The following TYW1 variants were observed in gnomAD, a reference collection of about 807,000 sequenced individuals.
TYW1 encodes S-adenosyl-L-methionine-dependent tRNA 4-demethylwyosine synthase TYW1.
Under a neutral mutation model 96.2 loss-of-function variants are expected in TYW1, and 46 were observed. The ratio of observed to expected loss-of-function variants is 0.48; its 90% CI spans 0.38 to 0.61. The LOEUF (loss-of-function observed/expected upper bound fraction) is 0.61, where lower values mean the gene tolerates loss of function less well. Among genes scored for constraint, TYW1 ranks in the 20% least tolerant of loss-of-function variants. The probability of loss-of-function intolerance (pLI) is 0.00; values close to 1 mark genes in which losing one functional copy is unlikely to be tolerated. For missense variants in TYW1, 684 were observed against 909.6 expected, an observed-to-expected ratio of 0.75 and a Z score of 3.19; for synonymous variants, 274 against 323.0, an observed-to-expected ratio of 0.85 and a Z score of 1.63.
chr7:67,118,345 T>A (rs1487245371), intron 13 of TYW1, among the ~76,000 whole-genome samples: 1 of 151,748 alleles, frequency 6.6e-6, no homozygotes, highest in Non-Finnish European at 1.5e-5. Flanking sequence ...AATAAATAAA[T>A]AATAAAAATA....
chr7:67,143,251 A>G (rs560456058), intron 13 of TYW1, among the ~76,000 whole-genome samples: 8 of 152,226 alleles, frequency 5.3e-5, no homozygotes, highest in South Asian at 4.1e-4. Flanking sequence ...TCTTTGCCTT[A>G]GAGGAATTGT....
chr7:67,156,352 C>T (rs1798970242), intron 13 of TYW1, among the ~76,000 whole-genome samples: 3 of 152,154 alleles, frequency 2.0e-5, no homozygotes, highest in Non-Finnish European at 1.5e-5. Context: ...TGGGTTGATC[C>T]CCAGGCTCCT....
intron 7 of TYW1, among the ~76,000 whole-genome samples, chr7:67,029,407 G>GTATATATATACATATATATATATA (rs1453768398): frequency 2.1e-5 from 2 of 96,228 alleles, no homozygotes; most frequent in Non-Finnish European, 4.2e-5. Flanking sequence ...GTGTGTGTGT[G>GTATATATATACATATATATATATA]TGTGTGTGTA....
chr7:67,096,282 C>T (rs559350976), intron 11 of TYW1, among the ~76,000 whole-genome samples: 53 of 152,102 alleles, frequency 3.5e-4, no homozygotes, highest in African/African-American at 1.2e-3. Flanking sequence ...CCCAGCTACT[C>T]GGGAGGCTGA....
intron 15 of TYW1, among the ~76,000 whole-genome samples, chr7:67,200,660 G>T (rs546941323): frequency 6.6e-6 from 1 of 152,246 alleles, no homozygotes; most frequent in African/African-American, 2.4e-5. Context: ...CTGCCTTCAA[G>T]AATGGGCTAA....
At chr7:67,162,976 C>T (rs1799206943) in intron 13 of TYW1, among the ~76,000 whole-genome samples, 1 of 152,146 alleles carries the variant, frequency 6.6e-6, no homozygotes, top group African/African-American at 2.4e-5. Context: ...AGAAACCTTA[C>T]CACTTATTTA....
chr7:67,172,553 T>G (rs1347156388), intron 13 of TYW1, among the ~76,000 whole-genome samples: 1 of 151,898 alleles, frequency 6.6e-6, no homozygotes, highest in Admixed American at 6.6e-5. Context: ...CCCGAGTAGC[T>G]GGGATTACAG....
chr7:67,062,932 AT>A (rs1281712592), intron 9 of TYW1, among the ~76,000 whole-genome samples: 3 of 152,212 alleles, frequency 2.0e-5, no homozygotes, highest in African/African-American at 7.2e-5. Flanking sequence ...GGTGGGGAAC[AT>A]TTCTGAACTC....
chr7:67,238,198 C>A, intron 15 of TYW1, 110 bp from the exon 16 acceptor site: 1 of 1,491,664 alleles, frequency 6.7e-7, no homozygotes, highest in Non-Finnish European at 9.0e-7. Context: ...TTTTTGTTTT[C>A]TTGACGTGAT....
At chr7:67,029,420 T>C (rs1220771159) in intron 7 of TYW1, among the ~76,000 whole-genome samples, 67 of 118,122 alleles carry the variant, frequency 5.7e-4, no homozygotes, top group African/African-American at 9.0e-4. Context: ...TGTGTGTATA[T>C]ATATATATAT....
At chr7:67,237,385 A>G (rs1473086192) in intron 15 of TYW1, among the ~76,000 whole-genome samples, 4 of 151,900 alleles carry the variant, frequency 2.6e-5, no homozygotes, top group Non-Finnish European at 4.4e-5. Flanking sequence ...CAGTAGTCCC[A>G]GCTACTCGGG....
chr7:67,192,311 C>T (rs550178762), intron 14 of TYW1, among the ~76,000 whole-genome samples: 2 of 152,364 alleles, frequency 1.3e-5, no homozygotes, highest in East Asian at 1.9e-4. Context: ...CAGGCATTCT[C>T]TCATTCCATT....
At chr7:67,180,632 C>CATTCATTTATTT (rs1554386393) in intron 13 of TYW1, among the ~76,000 whole-genome samples, 2 of 147,500 alleles carry the variant, frequency 1.4e-5, no homozygotes, top group Non-Finnish European at 3.0e-5. Flanking sequence ...AATAGAAATG[C>CATTCATTTATTT]ATTTATTTAT....
chr7:67,177,110 G>A (rs1204925579), intron 13 of TYW1, among the ~76,000 whole-genome samples: 1 of 152,224 alleles, frequency 6.6e-6, no homozygotes, highest in East Asian at 1.9e-4. Flanking sequence ...AAAACCAGAA[G>A]CAGATCCTCA....
chr7:67,226,824 C>T (rs528184143), intron 15 of TYW1, among the ~76,000 whole-genome samples: 165 of 152,188 alleles, frequency 1.1e-3, no homozygotes, highest in East Asian at 1.2e-3. Flanking sequence ...CTCCCTCAGA[C>T]GACCCCTGGA....
chr7:67,029,275 G>A (rs1347448054), intron 7 of TYW1, among the ~76,000 whole-genome samples: 7 of 150,822 alleles, frequency 4.6e-5, no homozygotes, highest in Admixed American at 1.3e-4. Context: ...GTGAGCTACC[G>A]CGCCCGGCTG....
chr7:67,070,361 A>G (rs1365695895), intron 10 of TYW1, among the ~76,000 whole-genome samples: 1 of 151,548 alleles, frequency 6.6e-6, no homozygotes, highest in Non-Finnish European at 1.5e-5. Flanking sequence ...TTTATTATGC[A>G]TATGTTGGTA....
At chr7:67,152,435 C>A (rs1211957482) in intron 13 of TYW1, among the ~76,000 whole-genome samples, 1 of 152,060 alleles carries the variant, frequency 6.6e-6, no homozygotes, top group Non-Finnish European at 1.5e-5. Context: ...ATTTTGCTCT[C>A]ATTGTTTTTT....
chr7:67,063,432 G>C (rs1318993167), intron 9 of TYW1, among the ~76,000 whole-genome samples: 1 of 152,198 alleles, frequency 6.6e-6, no homozygotes, highest in Non-Finnish European at 1.5e-5. Flanking sequence ...ACTGGAATTA[G>C]TCAAGAAAAA....
Sources: gnomAD v4.1 joint callset for allele counts (sites outside exome capture counted in the v4.1 genomes callset) on GRCh38, gnomAD v4.1.1 for gene constraint, MANE v1.5 for transcripts, NCBI Gene and HGNC (gene_info 2026-07-23, HGNC 2026-07-21) for gene names.